Variants in ARHGAP26 observed in about 807,000 individuals in gnomAD.
ARHGAP26 encodes rho GTPase-activating protein 26.
Under a neutral mutation model 104.8 loss-of-function variants are expected in ARHGAP26, and 38 were observed. The ratio of observed to expected loss-of-function variants is 0.36; its 90% CI spans 0.28 to 0.48. The LOEUF is 0.48. ARHGAP26 is among the 20% of genes least tolerant of loss of function. The probability of loss-of-function intolerance (pLI) is 0.99; values close to 1 mark genes in which losing one functional copy is unlikely to be tolerated. For synonymous variants in ARHGAP26, 341 were observed against 340.0 expected (o/e 1.00, Z -0.03); for missense variants, 704 against 947.9 (o/e 0.74, Z 3.38).
At chr5:142,901,397 C>T (rs969781083) in intron 6 of ARHGAP26, among the ~76,000 whole-genome samples, 1 of 152,146 alleles carries the variant, frequency 6.6e-6, no homozygotes, top group African/African-American at 2.4e-5. Flanking sequence ...GGGGAAAGCA[C>T]GGAAACACAC....
At chr5:142,881,191 C>G (rs1028456992) in intron 4 of ARHGAP26, among the ~76,000 whole-genome samples, 1 of 152,168 alleles carries the variant, frequency 6.6e-6, no homozygotes, top group Non-Finnish European at 1.5e-5. Context: ...CAGTGGCTTC[C>G]GGGGGTTATG....
At position 142,885,405 on chromosome 5, in the gene ARHGAP26, A is replaced by T; in HGVS notation, c.486+6A>T. The T allele has an allele frequency of 6.2e-7, 1 of 1,605,832 alleles. No homozygotes were observed. The highest frequency in any genetic ancestry group is 8.5e-7 in the Non-Finnish European group (1 of 1,173,544). On this transcript the variant is annotated splice_donor_region_variant and intron_variant, in intron 5 of 22. Coordinates refer to ENST00000645722, the MANE Select transcript of ARHGAP26 (RefSeq NM_001135608.3). ...AAGAATCTCAGCTTCAGGAGGTAAG[A>T]GACTTTATTAGTATCCTGAATAAAG...
At chr5:142,977,057 A>T (rs569980573) in intron 11 of ARHGAP26, among the ~76,000 whole-genome samples, 1 of 152,346 alleles carries the variant, frequency 6.6e-6, no homozygotes, top group African/African-American at 2.4e-5. Flanking sequence ...CCTGAGTCAT[A>T]TGCTAGCCCT....
At chr5:143,196,795 C>T (rs1468329917) in intron 20 of ARHGAP26, among the ~76,000 whole-genome samples, 1 of 152,160 alleles carries the variant, frequency 6.6e-6, no homozygotes, top group East Asian at 1.9e-4. Context: ...CAGAGCTTTG[C>T]CTTGTTTGAC....
chr5:142,860,161 A>T (rs1753080151), intron 1 of ARHGAP26: 1 of 152,134 alleles, frequency 6.6e-6, no homozygotes, highest in Non-Finnish European at 1.5e-5. Flanking sequence ...ACTGGATCTC[A>T]CTTGCAAAAC....
chr5:143,005,995 A>C (rs1777900401), intron 11 of ARHGAP26, among the ~76,000 whole-genome samples: 1 of 152,204 alleles, frequency 6.6e-6, no homozygotes, highest in Admixed American at 6.5e-5. Context: ...GTGGTACCAT[A>C]GGCTTCAAAA....
intron 17 of ARHGAP26, among the ~76,000 whole-genome samples, chr5:143,062,519 GTTTTTT>G (rs57175122): frequency 1.6e-5 from 2 of 124,042 alleles, no homozygotes; most frequent in African/African-American, 5.9e-5. Flanking sequence ...TGTAGCTTGG[GTTTTTT>G]TTTTTTTTTT....
intron 1 of ARHGAP26, among the ~76,000 whole-genome samples, chr5:142,873,067 A>G (rs1755556176): frequency 6.6e-6 from 1 of 152,252 alleles, no homozygotes; most frequent in African/African-American, 2.4e-5. Context: ...GTGGACACTA[A>G]TGTTGGCTCT....
At chr5:143,002,251 A>G (rs1444814966) in intron 11 of ARHGAP26, among the ~76,000 whole-genome samples, 1 of 152,142 alleles carries the variant, frequency 6.6e-6, no homozygotes, top group Non-Finnish European at 1.5e-5. Context: ...GAAGAGCCTT[A>G]TGAGCTCCTA....
chr5:143,223,482 C>T lies in ARHGAP26; in HGVS notation c.*1036C>T. 1 of 231,800 alleles carries T rather than the reference C, an allele frequency of 4.3e-6. No individual in the cohort carries two copies. The highest frequency in any genetic ancestry group is 5.6e-5 in the Admixed American group (1 of 17,732). The allele number at this position is 231,800 out of a possible 1,614,324, so 14.4% of individuals were successfully genotyped here. A position where few individuals can be genotyped will look rare whatever the true frequency, so the allele number is the denominator to read the frequency against. ...TGTTTTTTAAAGGGTAAGATGCTGC[C>T]TCCCAATGGGTGATGCCATCTGACT... On this transcript the variant is annotated 3_prime_UTR_variant, in exon 23 of 23. Coordinates refer to ENST00000645722, the MANE Select transcript of ARHGAP26 (RefSeq NM_001135608.3).
chr5:142,995,274 AG>A (rs1208516296), intron 11 of ARHGAP26, among the ~76,000 whole-genome samples: 1 of 152,254 alleles, frequency 6.6e-6, no homozygotes, highest in Non-Finnish European at 1.5e-5. Flanking sequence ...CATCTGACAA[AG>A]GGCTAATACC....
chr5:142,826,870 T>A (rs1031138915), intron 1 of ARHGAP26, among the ~76,000 whole-genome samples: 3 of 152,244 alleles, frequency 2.0e-5, no homozygotes, highest in Admixed American at 6.5e-5. Flanking sequence ...GGCATTTCCC[T>A]GCTTTTAAAA....
chr5:142,995,352 G>A (rs1473321633), intron 11 of ARHGAP26, among the ~76,000 whole-genome samples: 1 of 152,056 alleles, frequency 6.6e-6, no homozygotes, highest in Admixed American at 6.6e-5. Context: ...GTGGATGAAG[G>A]ATATGGACAC....
intron 20 of ARHGAP26, among the ~76,000 whole-genome samples, chr5:143,174,114 T>C (rs911810930): frequency 6.6e-6 from 1 of 152,186 alleles, no homozygotes; most frequent in Non-Finnish European, 1.5e-5. Context: ...TAGAACAAAA[T>C]GTCAATATTC....
At chr5:142,986,162 G>A (rs1774695172) in intron 11 of ARHGAP26, among the ~76,000 whole-genome samples, 2 of 152,246 alleles carry the variant, frequency 1.3e-5, no homozygotes, top group Admixed American at 6.5e-5. Context: ...ATCCTCTGCA[G>A]CACCTGTTGT....
intron 9 of ARHGAP26, 47 bp from the exon 10 acceptor site, chr5:142,913,152 G>C: frequency 6.7e-7 from 1 of 1,482,414 alleles, no homozygotes; most frequent in Admixed American, 1.7e-5. Flanking sequence ...GGGAGGAGTA[G>C]AGCTCCCATT....
intron 12 of ARHGAP26, 127 bp downstream of exon 12, chr5:143,014,243 C>A: frequency 9.9e-7 from 1 of 1,014,984 alleles, no homozygotes; most frequent in Non-Finnish European, 1.5e-6. Context: ...TTCCCGAGTG[C>A]AGTGGGACAT....
At chr5:142,880,833 A>AT (rs1756892751) in intron 4 of ARHGAP26, among the ~76,000 whole-genome samples, 5 of 152,292 alleles carry the variant, frequency 3.3e-5, no homozygotes, top group African/African-American at 9.6e-5. Context: ...AGGGCCTGCA[A>AT]AAGATGATGT....
Position 142,850,452 on chromosome 5 carries a change from A to AAC in ARHGAP26, c.155-22942_155-22941dup, listed in dbSNP as rs1229456230. ...TTAAAAACAACAACAACAACAACAAAACACACAAAAAAACAACATTCTGTA... is the reference window on the plus strand; with the variant it reads ...TTAAAAACAACAACAACAACAACAAAACACACACAAAAAAACAACATTCTGTA... On this transcript the variant is annotated intron_variant, in intron 1 of 22. Transcript: ENST00000645722. Among the ~76,000 whole-genome samples the AAC allele has an allele frequency of 2.6e-5, 4 of 152,290 alleles. No homozygotes were observed. In the East Asian group the frequency reaches 7.7e-4, roughly 29 times the overall value.
Sources: allele counts gnomAD v4.1 joint callset (sites outside exome capture counted in the v4.1 genomes callset), GRCh38; gene constraint gnomAD v4.1.1; transcripts MANE v1.5; gene names NCBI Gene and HGNC (gene_info 2026-07-23, HGNC 2026-07-21).